ANO10: variants seen among roughly 807,000 people sequenced by gnomAD.
The protein encoded by ANO10 is anoctamin-10.
Under a neutral mutation model 74.7 loss-of-function variants are expected in ANO10, and 77 were observed. The ratio of observed to expected loss-of-function variants is 1.03; its 90% confidence interval spans 0.86 to 1.25. The LOEUF (loss-of-function observed/expected upper bound fraction) is 1.25, where lower values mean the gene tolerates loss of function less well. Ranked by LOEUF, ANO10 falls within the 50% of genes most tolerant of loss-of-function variation. The pLI, the probability that ANO10 is intolerant of heterozygous loss-of-function variation, is 0.00. For synonymous variants in ANO10, 279 were observed against 284.9 expected (o/e 0.98, Z 0.21); for missense variants, 721 against 778.1 (o/e 0.93, Z 0.87).
intron 12 of ANO10, among the ~76,000 whole-genome samples, chr3:43,377,908 T>G (rs908971365): frequency 1.3e-5 from 2 of 152,218 alleles, no homozygotes; most frequent in Non-Finnish European, 2.9e-5. Flanking sequence ...AAAAGGACCC[T>G]GAACTGGGGT....
intron 11 of ANO10, among the ~76,000 whole-genome samples, chr3:43,549,084 G>A (rs2079330680): frequency 6.9e-6 from 1 of 144,076 alleles, no homozygotes; most frequent in African/African-American, 2.6e-5. Flanking sequence ...CATATTAAAT[G>A]TATGGAATTT....
intron 12 of ANO10, among the ~76,000 whole-genome samples, chr3:43,430,026 AG>A (rs1437155330): frequency 6.6e-6 from 1 of 152,180 alleles, no homozygotes; most frequent in East Asian, 1.9e-4. Context: ...AAATCCAGTG[AG>A]GACAGGCTAT....
intron 11 of ANO10, among the ~76,000 whole-genome samples, chr3:43,531,212 C>T (rs2078453011): frequency 6.6e-6 from 1 of 152,188 alleles, no homozygotes; most frequent in Non-Finnish European, 1.5e-5. Context: ...AATGACAGAT[C>T]TTCAAGAACC....
chr3:43,468,737 G>T (rs1468311657), intron 11 of ANO10, among the ~76,000 whole-genome samples: 2 of 149,188 alleles, frequency 1.3e-5, no homozygotes, highest in Non-Finnish European at 3.0e-5. Flanking sequence ...TTGAGACAGA[G>T]TCTCGCTCTG....
chr3:43,508,295 C>T (rs1354392302), intron 11 of ANO10, among the ~76,000 whole-genome samples: 1 of 152,026 alleles, frequency 6.6e-6, no homozygotes, highest in African/African-American at 2.4e-5. Context: ...GGAGTACTAC[C>T]TAGGATACAG....
At chr3:43,554,714 G>A (rs2079652995) in intron 10 of ANO10, among the ~76,000 whole-genome samples, 1 of 151,668 alleles carries the variant, frequency 6.6e-6, no homozygotes, top group Admixed American at 6.6e-5. Flanking sequence ...GCAAGGATGG[G>A]TGCTCTGCTT....
intron 12 of ANO10, among the ~76,000 whole-genome samples, chr3:43,374,579 C>CTTTTGTAATATAAT (rs1205591277): frequency 2.4e-4 from 37 of 152,156 alleles, no homozygotes; most frequent in Admixed American, 2.1e-3. Flanking sequence ...TAATATCACC[C>CTTTTGTAATATAAT]AACTATCCAC....
At position 43,398,585 on chromosome 3, in the gene ANO10, T is replaced by C. The variant is rs146551976; in HGVS notation, c.1915-31611A>G. Among the ~76,000 whole-genome samples, 93 of 152,342 alleles carry C rather than the reference T, an allele frequency of 6.1e-4. 1 individual carries two copies. Among genetic ancestry groups the C allele is most frequent in the African/African-American group, 2.1e-3 (86 of 41,584 alleles). On this transcript the variant is annotated intron_variant, in intron 12 of 12. Transcript: ENST00000292246. ...ATTTTATTCATTCACCAGGCAAATA[T>C]TGACTTGGCACACATGGGCCAGTAA...
intron 11 of ANO10, among the ~76,000 whole-genome samples, chr3:43,475,867 G>A (rs1362568757): frequency 6.6e-6 from 1 of 152,116 alleles, no homozygotes; most frequent in Non-Finnish European, 1.5e-5. Flanking sequence ...CTCCCAAAGT[G>A]CTGGGATTAC....
intron 11 of ANO10, among the ~76,000 whole-genome samples, chr3:43,466,879 T>A (rs115691198): frequency 1.3e-5 from 2 of 152,340 alleles, no homozygotes; most frequent in Non-Finnish European, 2.9e-5. Flanking sequence ...AACTTGTGTA[T>A]TGAATATGTA....
intron 1 of ANO10, among the ~76,000 whole-genome samples, chr3:43,689,683 G>GA (rs2084325842): frequency 6.6e-6 from 1 of 152,156 alleles, no homozygotes; most frequent in Admixed American, 6.5e-5. Context: ...TTTAAAAGCT[G>GA]TAACAATTAC....
intron 9 of ANO10, among the ~76,000 whole-genome samples, chr3:43,557,632 G>A (rs1454820482): frequency 6.6e-6 from 1 of 151,546 alleles, no homozygotes; most frequent in Non-Finnish European, 1.5e-5. Flanking sequence ...CTATTTGGGA[G>A]GCTGAGGCAG....
chr3:43,482,574 C>T (rs183573344), intron 11 of ANO10, among the ~76,000 whole-genome samples: 1 of 152,150 alleles, frequency 6.6e-6, no homozygotes, highest in Non-Finnish European at 1.5e-5. Context: ...AACACACTAA[C>T]CTTCCAATAG....
At chr3:43,680,913 G>C (rs2084187612) in intron 1 of ANO10, among the ~76,000 whole-genome samples, 1 of 152,104 alleles carries the variant, frequency 6.6e-6, no homozygotes, top group Non-Finnish European at 1.5e-5. Flanking sequence ...TGCCCTAAAA[G>C]AGCTCCTGAA....
chr3:43,544,214 G>A (rs1300887065), intron 11 of ANO10, among the ~76,000 whole-genome samples: 3 of 152,114 alleles, frequency 2.0e-5, no homozygotes. Flanking sequence ...AATCTTGAGA[G>A]CTGAACTTTA....
At chr3:43,377,462 T>C (rs959222020) in intron 12 of ANO10, among the ~76,000 whole-genome samples, 1 of 152,168 alleles carries the variant, frequency 6.6e-6, no homozygotes, top group African/African-American at 2.4e-5. Flanking sequence ...CAGGAATAAC[T>C]ACTTTCTGGT....
chr3:43,582,688 G>A (rs750166029), intron 4 of ANO10, among the ~76,000 whole-genome samples: 1 of 152,188 alleles, frequency 6.6e-6, no homozygotes, highest in Admixed American at 6.5e-5. Context: ...TACACGAGGA[G>A]AAAAGTTTTT....
intron 12 of ANO10, among the ~76,000 whole-genome samples, chr3:43,373,800 C>T (rs150322305): frequency 2.6e-5 from 4 of 152,152 alleles, no homozygotes; most frequent in South Asian, 2.1e-4. Flanking sequence ...TACCAACCAA[C>T]GCTACAGGCC....
chr3:43,428,796 C>CAAAAAAAAAAAAAAAAAAAAAAAAA lies in ANO10; in HGVS notation c.1914+3814_1914+3815insTTTTTTTTTTTTTTTTTTTTTTTTT, dbSNP rs56213626. 3.6e-5 allele frequency among the ~76,000 whole-genome samples: 2 copies of CAAAAAAAAAAAAAAAAAAAAAAAAA among 55,424 alleles called. 1 individual carries two copies. Among genetic ancestry groups the CAAAAAAAAAAAAAAAAAAAAAAAAA allele is most frequent in the Non-Finnish European group, 6.4e-5 (2 of 31,072 alleles). The allele number at this position is 55,424 out of a possible 152,430, so 36.4% of individuals were successfully genotyped here. ...CCAAAATCCTGAAACTTTGTGAATG[C>CAAAAAAAAAAAAAAAAAAAAAAAAA]AAAAAAAAAAAAAAAAAAAAAAGTC... is the stretch of plus-strand genomic sequence containing the variant. On this transcript the variant is annotated intron_variant, in intron 12 of 12. Coordinates refer to ENST00000292246, the MANE Select transcript of ANO10 (RefSeq NM_018075.5).
Sources: allele counts gnomAD v4.1 joint callset (sites outside exome capture counted in the v4.1 genomes callset), GRCh38; gene constraint gnomAD v4.1.1; transcripts MANE v1.5; gene names NCBI Gene and HGNC (gene_info 2026-07-23, HGNC 2026-07-21).